Variants in LDHAL6A observed in about 807,000 individuals in gnomAD.
The protein encoded by LDHAL6A is lactate dehydrogenase A like 6A, also known as L-lactate dehydrogenase A-like 6A.
Under a neutral mutation model 28.2 loss-of-function variants are expected in LDHAL6A, and 19 were observed. That is an observed-to-expected ratio of 0.67 (90% confidence interval 0.47 to 0.99). The LOEUF (loss-of-function observed/expected upper bound fraction) is 0.99, where lower values mean the gene tolerates loss of function less well. Among genes scored for constraint, LDHAL6A ranks in the 50% least tolerant of loss-of-function variants. LDHAL6A has a pLI of 0.00. For missense variants in LDHAL6A, 372 were observed against 398.6 expected (o/e 0.93, Z 0.57); for synonymous variants, 144 against 134.4 (o/e 1.07, Z -0.49).
At chr11:18,467,993 ATATATATACG>A (rs1565071542) in intron 3 of LDHAL6A, among the ~76,000 whole-genome samples, 1 of 30,386 alleles carries the variant, frequency 3.3e-5, no homozygotes, top group Admixed American at 4.5e-4. Context: ...ATATATATGC[ATATATATACG>A]TATATATATA....
Position 18,476,501 on chromosome 11 carries a change from G to C in LDHAL6A, c.710G>C (p.Ser237Thr). The change falls in exon 5 of 7, where the codon AGT becomes ACT. Residue 237 changes from serine to threonine, a missense_variant and splice_region_variant. Around this residue, in one of 3 missense-constraint regions of LDHAL6A, gnomAD observed 291 missense variants for 302.9 expected, o/e 0.96. Transcript: ENST00000280706. ...AATGTCCACAAAAAAGTGATTTCCA[G>C]GTAATATGCTAGTTTCACATTTTCA... The part of the protein sequence containing the change: ...WENVHKKVIS[S>T]GYEMVKMKGY... The C allele has an allele frequency of 6.2e-7, 1 of 1,613,336 alleles. No individual in the cohort carries two copies. Among genetic ancestry groups the C allele is most frequent in the South Asian group, 1.1e-5 (1 of 90,934 alleles).
chr11:18,475,420 T>A (rs1356250010), intron 3 of LDHAL6A, 46 bp from the exon 4 acceptor site: 2 of 1,429,422 alleles, frequency 1.4e-6, no homozygotes, highest in East Asian at 2.3e-5. Context: ...AAAAAACATA[T>A]CCTTGTAGAT....
intron 3 of LDHAL6A, chr11:18,469,002 C>T: frequency 5.0e-6 from 2 of 396,150 alleles, no homozygotes; most frequent in East Asian, 3.6e-5. Context: ...TACAAGGAAG[C>T]ACACTGAAAA....
At position 18,472,866 on chromosome 11, in the gene LDHAL6A, AAG is replaced by A. The variant is rs548228702; in HGVS notation, c.419-2597_419-2596del. ...AAAGACTGAGCCTGTAAGAAAATAA[AAG>A]AGGTTTAATTCAAATAATATGAAAG... On this transcript the variant is annotated intron_variant, in intron 3 of 6. Coordinates refer to ENST00000280706, the MANE Select transcript of LDHAL6A (RefSeq NM_144972.5). Among the ~76,000 whole-genome samples the A allele has an allele frequency of 3.2e-3, 481 of 152,302 alleles. 3 individuals are homozygous for A. The highest frequency in any genetic ancestry group is 0.031 in the Middle Eastern group (9 of 294).
In LDHAL6A at chr11:18,467,878, CACATATATATATAT is replaced by C. The variant is rs1411252355; in HGVS notation, c.418+2070_418+2083del. Among the ~76,000 whole-genome samples the C allele has an allele frequency of 2.5e-4, 9 of 36,326 alleles. 1 individual carries two copies. Among genetic ancestry groups the C allele is most frequent in the African/African-American group, 1.1e-3 (9 of 8,268 alleles). The allele number at this position is 36,326 out of a possible 152,430, so 23.8% of individuals were successfully genotyped here. On this transcript the variant is annotated intron_variant, in intron 3 of 6. Transcript: ENST00000280706. ...CTCAAAAAAAATATATATATATACACACATATATATATATATATATATATATATATATATATATA... is the reference window on the plus strand; with the variant it reads ...CTCAAAAAAAATATATATATATACACATATATATATATATATATATATATA...
chr11:18,456,229 G>GAGTGTGGCCAGAAGTACCT lies in LDHAL6A; in HGVS notation c.-451_-433dup. On this transcript the variant is annotated 5_prime_UTR_variant, in exon 1 of 7. The change creates a premature stop within an existing upstream ORF in the 5' untranslated region. Coordinates refer to ENST00000280706, the MANE Select transcript of LDHAL6A (RefSeq NM_144972.5). ...GGCGCGGGTGGCCCTTCACCCCTGT[G>GAGTGTGGCCAGAAGTACCT]AGTGTGGCCAGAAGTACCTCTCACC... 5.9e-6 allele frequency: 1 copy of GAGTGTGGCCAGAAGTACCT among 170,076 alleles called. No individual in the cohort carries two copies. Among genetic ancestry groups the GAGTGTGGCCAGAAGTACCT allele is most frequent in the African/African-American group, 2.4e-5 (1 of 41,700 alleles). The allele number at this position is 170,076 out of a possible 1,614,324, so 10.5% of individuals were successfully genotyped here. A position where few individuals can be genotyped will look rare whatever the true frequency, so the allele number is the denominator to read the frequency against.
chr11:18,457,952 ACTATCT>A (rs1209485939), intron 1 of LDHAL6A, among the ~76,000 whole-genome samples: 1 of 152,234 alleles, frequency 6.6e-6, no homozygotes, highest in African/African-American at 2.4e-5. Context: ...AAAGGAATAG[ACTATCT>A]CTAATTGCAT....
At chr11:18,461,061 C>T (rs1848888235) in intron 1 of LDHAL6A, among the ~76,000 whole-genome samples, 1 of 152,018 alleles carries the variant, frequency 6.6e-6, no homozygotes, top group African/African-American at 2.4e-5. Flanking sequence ...TGGTCTGGAA[C>T]TCCTGACCCC....
intron 1 of LDHAL6A, among the ~76,000 whole-genome samples, chr11:18,462,652 AAAC>A (rs1453455383): frequency 3.7e-4 from 21 of 56,684 alleles, no homozygotes; most frequent in Non-Finnish European, 6.4e-4. Flanking sequence ...ACAAACAAAC[AAAC>A]AAAAAAAAAA....
At chr11:18,459,000 A>C (rs1022287918) in intron 1 of LDHAL6A, among the ~76,000 whole-genome samples, 1 of 152,176 alleles carries the variant, frequency 6.6e-6, no homozygotes, top group Non-Finnish European at 1.5e-5. Flanking sequence ...TTTATTTTTT[A>C]GAATAGTTTT....
At chr11:18,470,978 C>T (rs575903705) in intron 3 of LDHAL6A, among the ~76,000 whole-genome samples, 14 of 152,254 alleles carry the variant, frequency 9.2e-5, no homozygotes, top group African/African-American at 2.9e-4. Context: ...TGAGCCACAG[C>T]GCCTGGCCAC....
chr11:18,470,737 A>G (rs1227700274), intron 3 of LDHAL6A, among the ~76,000 whole-genome samples: 1 of 150,138 alleles, frequency 6.7e-6, no homozygotes, highest in African/African-American at 2.5e-5. Context: ...CCCAGGCTGG[A>G]GTGCAGTGGC....
intron 1 of LDHAL6A, among the ~76,000 whole-genome samples, chr11:18,463,752 A>G (rs764634875): frequency 1.3e-5 from 2 of 152,204 alleles, no homozygotes; most frequent in African/African-American, 2.4e-5. Flanking sequence ...TGTTTTCCTC[A>G]TGATGAGCTG....
At chr11:18,476,138 C>A (rs1230005797) in intron 4 of LDHAL6A, among the ~76,000 whole-genome samples, 1 of 152,182 alleles carries the variant, frequency 6.6e-6, no homozygotes, top group Non-Finnish European at 1.5e-5. Context: ...GGGAGAAAAA[C>A]TAGAACTTCC....
At chr11:18,472,198 T>C (rs1849271440) in intron 3 of LDHAL6A, among the ~76,000 whole-genome samples, 1 of 152,188 alleles carries the variant, frequency 6.6e-6, no homozygotes, top group South Asian at 2.1e-4. Context: ...TGAGTTTCAG[T>C]GGCAGTTGAC....
intron 2 of LDHAL6A, among the ~76,000 whole-genome samples, chr11:18,464,977 G>GTTTTTTTGTTTTTTTTTT (rs1565068683): frequency 1.1e-4 from 14 of 125,562 alleles, no homozygotes; most frequent in Admixed American, 6.7e-4. Flanking sequence ...TGTTTTTTTT[G>GTTTTTTTGTTTTTTTTTT]TTTTTTTTTG....
chr11:18,466,328 A>G (rs1041848532), intron 3 of LDHAL6A, among the ~76,000 whole-genome samples: 4 of 152,096 alleles, frequency 2.6e-5, no homozygotes, highest in African/African-American at 4.8e-5. Context: ...CACAGTGGTA[A>G]TCAGTGTATA....
chr11:18,461,079 C>T (rs1172398830), intron 1 of LDHAL6A, among the ~76,000 whole-genome samples: 2 of 152,008 alleles, frequency 1.3e-5, no homozygotes, highest in East Asian at 3.9e-4. Flanking sequence ...CCCAGGTGAT[C>T]CGCCCGCCTT....
chr11:18,460,134 G>C (rs569334419), intron 1 of LDHAL6A, among the ~76,000 whole-genome samples: 11 of 152,142 alleles, frequency 7.2e-5, no homozygotes, highest in Non-Finnish European at 1.5e-4. Flanking sequence ...AATTCGAATA[G>C]AGTAAAAAGA....
Sources: allele counts gnomAD v4.1 joint callset (sites outside exome capture counted in the v4.1 genomes callset), GRCh38; gene constraint gnomAD v4.1.1; regional missense constraint gnomAD v4.1.1; transcripts MANE v1.5; gene names NCBI Gene and HGNC (gene_info 2026-07-23, HGNC 2026-07-21).